Variants in THADA observed in about 807,000 individuals in gnomAD.
THADA encodes the protein tRNA (32-2'-O)-methyltransferase regulator THADA.
A neutral mutation model predicts 219.8 loss-of-function variants in THADA; 213 were observed. The ratio of observed to expected loss-of-function variants is 0.97; its 90% confidence interval spans 0.87 to 1.09. The LOEUF is 1.09. Ranked by LOEUF, THADA falls within the 50% of genes least tolerant of loss-of-function variation. THADA has a pLI of 0.00. For missense variants in THADA, 2,956 were observed against 2,311.3 expected (o/e 1.28, Z -5.72); for synonymous variants, 1,018 against 828.9 (o/e 1.23, Z -3.92).
In THADA at chr2:43,551,842, G is replaced by T; in HGVS notation, c.2894C>A (p.Pro965Gln). The T allele has an allele frequency of 6.2e-7, 1 of 1,613,782 alleles. No individual in the cohort carries two copies. Among genetic ancestry groups the T allele is most frequent in the African/African-American group, 1.3e-5 (1 of 74,998 alleles). ...MSYRLSTVVS[P>Q]VIQSSSPEGL... Reference sequence around the variant, plus strand: ...TTCAGGGGATGAGCTCTGAATGACTGGAGACACCACAGTGGAAAGCCTGTA... The same window carrying T: ...TTCAGGGGATGAGCTCTGAATGACTTGAGACACCACAGTGGAAAGCCTGTA... The change falls in exon 19 of 38, where the codon CCA becomes CAA. Residue 965 changes from proline (P) to glutamine (Q), a missense_variant. Transcript: ENST00000405975.
intron 22 of THADA, among the ~76,000 whole-genome samples, chr2:43,526,767 A>G (rs17335134): frequency 0.22 from 32,782 of 152,072 alleles, 3,795 homozygotes; most frequent in Middle Eastern, 0.27. Flanking sequence ...TTATTTCTCA[A>G]ACTAAAACAT....
chr2:43,364,073 A>C (rs1399179886), intron 29 of THADA, among the ~76,000 whole-genome samples: 2 of 145,290 alleles, frequency 1.4e-5, no homozygotes, highest in Non-Finnish European at 3.0e-5. Flanking sequence ...AATTACAAAA[A>C]ATTATATGGG....
intron 36 of THADA, among the ~76,000 whole-genome samples, chr2:43,244,550 C>G (rs1278769907): frequency 6.6e-6 from 1 of 152,192 alleles, no homozygotes; most frequent in Non-Finnish European, 1.5e-5. Context: ...TTCATGTGGG[C>G]TTCATGGCTG....
At chr2:43,462,659 T>C (rs1018071370) in intron 26 of THADA, among the ~76,000 whole-genome samples, 1 of 152,306 alleles carries the variant, frequency 6.6e-6, no homozygotes, top group Admixed American at 6.5e-5. Context: ...CAAAGAATTT[T>C]GGTTTCTCTT....
chr2:43,246,026 T>C (rs527962442), intron 36 of THADA, among the ~76,000 whole-genome samples: 37 of 149,556 alleles, frequency 2.5e-4, no homozygotes, highest in Non-Finnish European at 3.7e-4. Context: ...CCAGAAAGTC[T>C]CCTTACTAGG....
At chr2:43,277,876 T>C (rs1672901669) in intron 36 of THADA, among the ~76,000 whole-genome samples, 1 of 151,988 alleles carries the variant, frequency 6.6e-6, no homozygotes, top group Admixed American at 6.6e-5. Context: ...ACAAAATCCT[T>C]ATATGCTGAA....
At chr2:43,412,373 C>T (rs1370975275) in intron 28 of THADA, among the ~76,000 whole-genome samples, 1 of 152,170 alleles carries the variant, frequency 6.6e-6, no homozygotes, top group African/African-American at 2.4e-5. Context: ...AAATTCAATA[C>T]TGTTTAACTT....
intron 26 of THADA, among the ~76,000 whole-genome samples, chr2:43,472,187 G>C (rs1684983609): frequency 6.6e-6 from 1 of 152,330 alleles, no homozygotes; most frequent in East Asian, 1.9e-4. Flanking sequence ...GGCAGTGCAT[G>C]ACAGCACAAT....
chr2:43,427,452 G>A (rs1283186089), intron 28 of THADA, among the ~76,000 whole-genome samples: 1 of 151,150 alleles, frequency 6.6e-6, no homozygotes, highest in Non-Finnish European at 1.5e-5. Flanking sequence ...AACACTGGGG[G>A]CAATGGCAGG....
rs538056246 is a variant in THADA, at chr2:43,252,890, C to T, written c.5297-20008G>A. Among the ~76,000 whole-genome samples, 30 of 152,302 alleles carry T rather than the reference C, an allele frequency of 2.0e-4. No individual in the cohort carries two copies. The South Asian group carries it at 6.2e-3, about 32-fold the overall frequency. On this transcript the variant is annotated intron_variant, in intron 36 of 37. Coordinates refer to ENST00000405975, the MANE Select transcript of THADA (RefSeq NM_022065.5). Reference sequence around the variant, plus strand: ...TAATCTCAGCTGGAATCTCCATGTCCTCTGGTAATTCTTTTCTTCCTATTC... The same window carrying T: ...TAATCTCAGCTGGAATCTCCATGTCTTCTGGTAATTCTTTTCTTCCTATTC...
intron 29 of THADA, among the ~76,000 whole-genome samples, chr2:43,350,101 T>C (rs564053505): frequency 6.6e-6 from 1 of 152,298 alleles, no homozygotes; most frequent in Non-Finnish European, 1.5e-5. Context: ...CCTTTTTTTC[T>C]CGACTCACTG....
chr2:43,381,373 G>T (rs1234860812), intron 29 of THADA, among the ~76,000 whole-genome samples: 1 of 152,032 alleles, frequency 6.6e-6, no homozygotes, highest in Non-Finnish European at 1.5e-5. Flanking sequence ...TTCAAAATAA[G>T]TAATGTCAAT....
rs114487263 is a variant in THADA, at chr2:43,384,543, C to T, written c.4227+13428G>A. On this transcript the variant is annotated intron_variant, in intron 29 of 37. Coordinates refer to ENST00000405975, the MANE Select transcript of THADA (RefSeq NM_022065.5). The stretch of plus-strand genomic sequence containing the variant: ...TACATACTGAACACACATATTTGTA[C>T]GCTCAATCATGAATTTTAATAAATT... 4.9e-3 allele frequency among the ~76,000 whole-genome samples: 743 copies of T among 152,306 alleles called. 8 individuals are homozygous for T. Among genetic ancestry groups the T allele is most frequent in the African/African-American group, 0.017 (705 of 41,552 alleles).
In THADA at chr2:43,232,877, C is replaced by T. The variant is rs753309368; in HGVS notation, c.5302G>A (p.Ala1768Thr). Residue 1768 changes from alanine to threonine, a missense_variant, in exon 37 of 38, where the codon GCC becomes ACC. Transcript: ENST00000405975. The part of the protein sequence containing the change: ...QENTCQSTEF[A>T]FCQVDASIAL... ...ATGGAGGCATCCACCTGGCAGAAGG[C>T]AAACTCTGCAAAGACAGGAGAAAGG... 5 of 1,607,998 alleles carry T rather than the reference C, an allele frequency of 3.1e-6. No homozygotes were observed. Among genetic ancestry groups the T allele is most frequent in the Non-Finnish European group, 3.4e-6 (4 of 1,177,662 alleles).
chr2:43,531,314 T>C (rs1034389117), intron 21 of THADA, among the ~76,000 whole-genome samples: 3 of 152,226 alleles, frequency 2.0e-5, no homozygotes, highest in Non-Finnish European at 2.9e-5. Context: ...GCTGGGAGAC[T>C]AGAATGAATA....
At chr2:43,559,486 G>A (rs949271693) in intron 16 of THADA, among the ~76,000 whole-genome samples, 24 of 152,140 alleles carry the variant, frequency 1.6e-4, no homozygotes, top group African/African-American at 5.5e-4. Flanking sequence ...AGAAACCCTC[G>A]GCCTTTATAG....
Position 43,396,460 on chromosome 2 carries a change from G to A in THADA, c.4227+1511C>T, listed in dbSNP as rs572909317. Among the ~76,000 whole-genome samples the A allele has an allele frequency of 7.2e-5, 11 of 152,238 alleles. No homozygotes were observed. In the South Asian group the frequency reaches 2.1e-3, roughly 29 times the overall value. On this transcript the variant is annotated intron_variant, in intron 29 of 37. Transcript: ENST00000405975. ...CAAAAACTGACTTAGCTGCTATTGC[G>A]ACTGTGACACAGTGAAATGTAGTAG...
chr2:43,390,248 T>C (rs536042985), intron 29 of THADA, among the ~76,000 whole-genome samples: 3 of 152,196 alleles, frequency 2.0e-5, no homozygotes, highest in Non-Finnish European at 4.4e-5. Flanking sequence ...CTGGCATCTA[T>C]AGTATGACCA....
chr2:43,362,917 A>C (rs955917160), intron 29 of THADA, among the ~76,000 whole-genome samples: 1 of 152,172 alleles, frequency 6.6e-6, no homozygotes, highest in Non-Finnish European at 1.5e-5. Flanking sequence ...GCTAAAAACT[A>C]AGACACAAAC....
Sources: gnomAD v4.1 joint callset for allele counts (sites outside exome capture counted in the v4.1 genomes callset) on GRCh38, gnomAD v4.1.1 for gene constraint, MANE v1.5 for transcripts, NCBI Gene and HGNC (gene_info 2026-07-23, HGNC 2026-07-21) for gene names.